The following CSMD1 variants were observed in gnomAD, a reference collection of about 807,000 sequenced individuals.
CSMD1 encodes the protein CUB and Sushi multiple domains 1, also known as CUB and sushi domain-containing protein 1.
In CSMD1, 213 loss-of-function variants were observed where a neutral mutation model predicts 417.5. The ratio of observed to expected loss-of-function variants is 0.51; its 90% CI spans 0.46 to 0.57. CSMD1 has a LOEUF of 0.57. Ranked by LOEUF, CSMD1 falls within the 20% of genes least tolerant of loss-of-function variation. CSMD1 has a pLI of 0.00. For synonymous variants in CSMD1, 2,862 were observed against 1,736.8 expected (o/e 1.65, Z -16.11); for missense variants, 6,923 against 4,529.7 (o/e 1.53, Z -15.17).
intron 3 of CSMD1, among the ~76,000 whole-genome samples, chr8:4,263,239 C>T (rs771638056): frequency 6.6e-5 from 10 of 151,904 alleles, no homozygotes; most frequent in Non-Finnish European, 1.3e-4. Flanking sequence ...GGGTAATGAT[C>T]TAAAAAAATC....
intron 7 of CSMD1, among the ~76,000 whole-genome samples, chr8:3,627,000 G>A (rs958969340): frequency 1.2e-4 from 18 of 151,798 alleles, no homozygotes; most frequent in Admixed American, 3.9e-4. Context: ...TATATAAAAG[G>A]AAATAAGTTC....
rs375029542 is a variant in CSMD1, at chr8:3,357,732, T to C, written c.3304+1420A>G. ...TCAGGAGTCTTTAGACTCCAACCAA[T>C]TCTGGGAACTCCTATGATCACCTGC... On this transcript the variant is annotated intron_variant, in intron 21 of 69. Coordinates refer to ENST00000635120, the MANE Select transcript of CSMD1 (RefSeq NM_033225.6). Among the ~76,000 whole-genome samples, 5 of 152,268 alleles carry C rather than the reference T, an allele frequency of 3.3e-5. No individual in the cohort carries two copies. The East Asian group carries it at 9.7e-4, about 29-fold the overall frequency.
chr8:3,199,866 G>C, intron 32 of CSMD1, 57 bp from the exon 33 acceptor site: 1 of 1,038,024 alleles, frequency 9.6e-7, no homozygotes, highest in Non-Finnish European at 1.4e-6. Context: ...GGGGACGGTA[G>C]TATTTTGGAA....
At chr8:3,053,777 G>A (rs1261402786) in intron 49 of CSMD1, among the ~76,000 whole-genome samples, 2 of 152,190 alleles carry the variant, frequency 1.3e-5, no homozygotes, top group Non-Finnish European at 2.9e-5. Flanking sequence ...CAAGCAGGCA[G>A]AGGGTGACAT....
chr8:3,364,858 C>T (rs755584908), intron 20 of CSMD1, among the ~76,000 whole-genome samples: 10 of 152,138 alleles, frequency 6.6e-5, no homozygotes, highest in Non-Finnish European at 1.2e-4. Context: ...TGGCAAGTGG[C>T]ACAAACAGAC....
intron 3 of CSMD1, among the ~76,000 whole-genome samples, chr8:4,277,196 A>AAC (rs1796535056): frequency 9.1e-6 from 1 of 110,040 alleles, no homozygotes; most frequent in Non-Finnish European, 2.1e-5. Flanking sequence ...ATCTACAGAT[A>AAC]ACATATATAT....
At chr8:4,727,582 A>T (rs1441750074) in intron 1 of CSMD1, among the ~76,000 whole-genome samples, 1 of 152,176 alleles carries the variant, frequency 6.6e-6, no homozygotes, top group Non-Finnish European at 1.5e-5. Flanking sequence ...TTATTTTCTT[A>T]CCTAACGTCT....
intron 1 of CSMD1, among the ~76,000 whole-genome samples, chr8:4,983,146 T>C (rs994097377): frequency 9.9e-5 from 15 of 152,164 alleles, no homozygotes; most frequent in African/African-American, 3.6e-4. Flanking sequence ...CAAATAAGCA[T>C]GGCAAAATAA....
chr8:4,886,536 T>C (rs1472354635), intron 1 of CSMD1, among the ~76,000 whole-genome samples: 6 of 151,966 alleles, frequency 3.9e-5, no homozygotes, highest in African/African-American at 7.3e-5. Context: ...AAGTGTTTCC[T>C]TCTCTTTTAT....
intron 33 of CSMD1, among the ~76,000 whole-genome samples, chr8:3,196,095 A>G (rs534639391): frequency 6.6e-6 from 1 of 152,318 alleles, no homozygotes; most frequent in East Asian, 1.9e-4. Flanking sequence ...CAAATCCACC[A>G]AAACCAAGAT....
chr8:3,354,946 G>C (rs530084221), intron 21 of CSMD1, among the ~76,000 whole-genome samples: 4 of 63,484 alleles, frequency 6.3e-5, no homozygotes, highest in Non-Finnish European at 1.2e-4. Context: ...TATATATAGA[G>C]AGACAGAGAA....
intron 3 of CSMD1, among the ~76,000 whole-genome samples, chr8:4,143,697 A>G (rs1714808): frequency 0.99 from 149,830 of 150,776 alleles, 74,524 homozygotes; most frequent in Middle Eastern, 1. Context: ...TGGATAAGAT[A>G]CACAAAGTAA....
chr8:3,915,138 G>C (rs1223587484), intron 5 of CSMD1, among the ~76,000 whole-genome samples: 3 of 152,230 alleles, frequency 2.0e-5, no homozygotes, highest in East Asian at 3.9e-4. Context: ...GGGAGTAGTA[G>C]TTCACGCCTG....
At chr8:4,289,876 G>A (rs1797266261) in intron 3 of CSMD1, among the ~76,000 whole-genome samples, 1 of 152,162 alleles carries the variant, frequency 6.6e-6, no homozygotes, top group Non-Finnish European at 1.5e-5. Context: ...CTACAAACAA[G>A]AAATGAAAAC....
At chr8:4,467,944 C>A (rs980702836) in intron 2 of CSMD1, among the ~76,000 whole-genome samples, 1 of 152,082 alleles carries the variant, frequency 6.6e-6, no homozygotes, top group Non-Finnish European at 1.5e-5. Context: ...CCTGAACTAA[C>A]AAAGTAATAT....
chr8:4,802,094 T>A (rs1415058663), intron 1 of CSMD1, among the ~76,000 whole-genome samples: 1 of 152,216 alleles, frequency 6.6e-6, no homozygotes, highest in Non-Finnish European at 1.5e-5. Flanking sequence ...TAGAAAATAT[T>A]AAGTGTCCAC....
intron 3 of CSMD1, among the ~76,000 whole-genome samples, chr8:4,169,646 C>G (rs757905167): frequency 6.6e-6 from 1 of 152,140 alleles, no homozygotes. Flanking sequence ...GCTGCAGGGA[C>G]GCCATGAGAG....
chr8:3,800,941 C>A (rs934259806), intron 5 of CSMD1, among the ~76,000 whole-genome samples: 1 of 151,890 alleles, frequency 6.6e-6, no homozygotes, highest in Non-Finnish European at 1.5e-5. Context: ...TTATCCAGCC[C>A]CAAATATTCC....
intron 3 of CSMD1, among the ~76,000 whole-genome samples, chr8:4,054,623 G>C (rs538239629): frequency 6.6e-6 from 1 of 152,156 alleles, no homozygotes; most frequent in Admixed American, 6.5e-5. Context: ...TTCCCCATCG[G>C]ACTGTAAAAC....
Sources: allele counts gnomAD v4.1 joint callset (sites outside exome capture counted in the v4.1 genomes callset), GRCh38; gene constraint gnomAD v4.1.1; transcripts MANE v1.5; gene names NCBI Gene and HGNC (gene_info 2026-07-23, HGNC 2026-07-21).